IL1RAPL1: variants seen among roughly 807,000 people sequenced by gnomAD.
IL1RAPL1 encodes the protein interleukin-1 receptor accessory protein-like 1.
IL1RAPL1 carries 3 observed loss-of-function variants against 48.4 expected under a neutral mutation model. The ratio of observed to expected loss-of-function variants is 0.06; its 90% CI spans 0.03 to 0.16. The LOEUF (loss-of-function observed/expected upper bound fraction) is 0.16. Ranked by LOEUF, IL1RAPL1 falls within the 10% of genes least tolerant of loss-of-function variation. IL1RAPL1 has a pLI of 1.00. For synonymous variants in IL1RAPL1, 185 were observed against 187.7 expected, an observed-to-expected ratio of 0.99 and a Z score of 0.12; for missense variants, 349 against 530.6, an observed-to-expected ratio of 0.66 and a Z score of 3.36.
chrX:28,615,214 T>TTTTTTTTG (rs1934203318), intron 1 of IL1RAPL1, among the ~76,000 whole-genome samples: 2 of 58,953 alleles, frequency 3.4e-5, no homozygotes, highest in African/African-American at 5.1e-5. Flanking sequence ...TTTTTTTTTT[T>TTTTTTTTG]TTTTTTTTTT....
intron 5 of IL1RAPL1, among the ~76,000 whole-genome samples, chrX:29,406,705 A>T (rs188687583): frequency 2.9e-4 from 28 of 97,154 alleles, no homozygotes; most frequent in African/African-American, 1.3e-3. Context: ...GTCAAATAAC[A>T]TCAGTTTTCT....
chrX:29,816,779 C>G lies in IL1RAPL1; in HGVS notation c.779-100685C>G, dbSNP rs182347105. Among the ~76,000 whole-genome samples the G allele has an allele frequency of 2.8e-4, 31 of 110,671 alleles. No homozygotes were observed. The East Asian group carries it at 6.3e-3, about 22-fold the overall frequency. On this transcript the variant is annotated intron_variant, in intron 6 of 10. Transcript: ENST00000378993. ...TGTGCCTCATTTTCCTTCCTCCCCC[C>G]CCACTGAAATTTGCTTCTATTTCAT... is the stretch of plus-strand genomic sequence containing the variant.
chrX:28,838,662 A>G (rs1921288055), intron 2 of IL1RAPL1, among the ~76,000 whole-genome samples: 1 of 110,593 alleles, frequency 9.0e-6, no homozygotes, highest in South Asian at 3.8e-4. Context: ...TTTTTTTGTT[A>G]TCACCATGAC....
chrX:29,021,215 GAAAAAA>G (rs746008500), intron 2 of IL1RAPL1, among the ~76,000 whole-genome samples: 2 of 41,957 alleles, frequency 4.8e-5, no homozygotes, highest in Non-Finnish European at 7.9e-5. Context: ...CCGTCTCAAG[GAAAAAA>G]AAAAAAAAAA....
At chrX:28,596,812 C>T (rs762073398) in intron 1 of IL1RAPL1, among the ~76,000 whole-genome samples, 1 of 110,784 alleles carries the variant, frequency 9.0e-6, no homozygotes, top group African/African-American at 3.3e-5. Context: ...AAAAATATTC[C>T]TGATCCATGG....
At chrX:29,469,909 G>T (rs945971688) in intron 5 of IL1RAPL1, among the ~76,000 whole-genome samples, 1 of 111,928 alleles carries the variant, frequency 8.9e-6, no homozygotes, top group African/African-American at 3.3e-5. Flanking sequence ...TATGGTTCAT[G>T]ATATGGAGAC....
At chrX:29,081,018 CTCTT>C (rs1245658196) in intron 2 of IL1RAPL1, among the ~76,000 whole-genome samples, 29 of 54,347 alleles carry the variant, frequency 5.3e-4, no homozygotes, top group African/African-American at 6.1e-4. Context: ...CTCTCTCTCT[CTCTT>C]TCTTTTCTTT....
chrX:29,629,868 C>T (rs1038076860), intron 5 of IL1RAPL1, among the ~76,000 whole-genome samples: 1 of 111,846 alleles, frequency 8.9e-6, no homozygotes. Flanking sequence ...TTTGCATCTT[C>T]CTCTCCCACT....
intron 6 of IL1RAPL1, among the ~76,000 whole-genome samples, chrX:29,714,015 A>G (rs1196861361): frequency 2.7e-5 from 3 of 111,817 alleles, no homozygotes; most frequent in Non-Finnish European, 5.6e-5. Flanking sequence ...GTAATGTTCC[A>G]GAAAAGTAAT....
chrX:29,070,381 C>G (rs1927541272), intron 2 of IL1RAPL1, among the ~76,000 whole-genome samples: 1 of 111,395 alleles, frequency 9.0e-6, no homozygotes, highest in Non-Finnish European at 1.9e-5. Flanking sequence ...ATATCAGCGC[C>G]CTAATTAACA....
chrX:29,630,747 C>T (rs1924749801), intron 5 of IL1RAPL1, among the ~76,000 whole-genome samples: 1 of 111,616 alleles, frequency 9.0e-6, no homozygotes, highest in South Asian at 3.7e-4. Flanking sequence ...ACCCTGTTAG[C>T]CAGGATGGCC....
intron 1 of IL1RAPL1, among the ~76,000 whole-genome samples, chrX:28,635,748 C>T (rs1045878344): frequency 6.3e-5 from 7 of 111,795 alleles, no homozygotes; most frequent in Admixed American, 4.8e-4. Context: ...TTGGAGTTTG[C>T]GGCTAAAGCT....
intron 9 of IL1RAPL1, among the ~76,000 whole-genome samples, chrX:29,947,925 G>A (rs771234662): frequency 1.8e-5 from 2 of 110,409 alleles, no homozygotes; most frequent in Non-Finnish European, 3.8e-5. Context: ...GGTAGGAACC[G>A]AGGCTTCTTA....
chrX:29,948,276 A>G (rs1933250040), intron 9 of IL1RAPL1, among the ~76,000 whole-genome samples: 1 of 111,722 alleles, frequency 9.0e-6, no homozygotes, highest in African/African-American at 3.2e-5. Context: ...GAGAACTTAT[A>G]GATTCAAATA....
intron 1 of IL1RAPL1, among the ~76,000 whole-genome samples, chrX:28,723,587 A>C (rs778681825): frequency 9.0e-6 from 1 of 111,064 alleles, no homozygotes; most frequent in Non-Finnish European, 1.9e-5. Context: ...TTGTGTCTCT[A>C]TCTCCTTCAG....
intron 6 of IL1RAPL1, among the ~76,000 whole-genome samples, chrX:29,840,207 C>G (rs1931109027): frequency 9.0e-6 from 1 of 111,708 alleles, no homozygotes; most frequent in African/African-American, 3.3e-5. Flanking sequence ...CTACTTTGGC[C>G]TGATTGTCTT....
At chrX:29,802,971 A>G (rs1930022243) in intron 6 of IL1RAPL1, among the ~76,000 whole-genome samples, 2 of 80,675 alleles carry the variant, frequency 2.5e-5, no homozygotes, top group African/African-American at 5.0e-5. Context: ...ATGTGTACAT[A>G]TATACATACA....
intron 5 of IL1RAPL1, among the ~76,000 whole-genome samples, chrX:29,407,622 T>C (rs1428464767): frequency 8.9e-6 from 1 of 112,149 alleles, no homozygotes; most frequent in African/African-American, 3.2e-5. Context: ...ACATATTTCC[T>C]TGAACATATA....
intron 1 of IL1RAPL1, among the ~76,000 whole-genome samples, chrX:28,771,107 G>A (rs1363919289): frequency 9.0e-6 from 1 of 111,645 alleles, no homozygotes; most frequent in Non-Finnish European, 1.9e-5. Context: ...TAACATAGCT[G>A]GGAGTCAAGC....
Sources: gnomAD v4.1 joint callset for allele counts (sites outside exome capture counted in the v4.1 genomes callset) on GRCh38, gnomAD v4.1.1 for gene constraint, MANE v1.5 for transcripts, NCBI Gene and HGNC (gene_info 2026-07-23, HGNC 2026-07-21) for gene names.